SGCZ: variants seen among roughly 807,000 people sequenced by gnomAD.
The protein encoded by SGCZ is zeta-sarcoglycan.
SGCZ carries 40 observed loss-of-function variants against 41.3 expected under a neutral mutation model. The ratio of observed to expected loss-of-function variants is 0.97; its 90% CI spans 0.75 to 1.26. The LOEUF is 1.26. Among genes scored for constraint, SGCZ ranks in the 50% most tolerant of loss-of-function variants. The pLI, the probability that SGCZ is intolerant of heterozygous loss-of-function variation, is 0.00. For synonymous variants in SGCZ, 206 were observed against 137.5 expected (o/e 1.50, Z -3.49); for missense variants, 552 against 369.8 (o/e 1.49, Z -4.04).
chr8:14,364,065 T>C (rs138140324), intron 2 of SGCZ, among the ~76,000 whole-genome samples: 6 of 152,282 alleles, frequency 3.9e-5, no homozygotes, highest in Admixed American at 1.3e-4. Context: ...CTCTACTCAA[T>C]AGATACTCTA....
chr8:14,612,852 A>AT (rs748058338), intron 1 of SGCZ, among the ~76,000 whole-genome samples: 2 of 152,122 alleles, frequency 1.3e-5, no homozygotes, highest in Non-Finnish European at 2.9e-5. Context: ...CACCCAGCTA[A>AT]TTTTTTGTAT....
chr8:14,164,602 C>T lies in SGCZ; in HGVS notation c.525G>A (p.Gly175=), dbSNP rs1354592281. 4 of 1,613,396 alleles carry T rather than the reference C, an allele frequency of 2.5e-6. No individual in the cohort carries two copies. Among genetic ancestry groups the T allele is most frequent in the Non-Finnish European group, 1.7e-6 (2 of 1,179,614 alleles). ...FSADEDEITI[G]AEKLKVTGTE... ...TACCTGTAACTTTCAGCTTTTCAGCCCCAATGGTAATCTCATCTTCATCTG... is the reference window on the plus strand; with the variant it reads ...TACCTGTAACTTTCAGCTTTTCAGCTCCAATGGTAATCTCATCTTCATCTG... Residue 175 remains glycine (G), a synonymous_variant, in exon 5 of 8, where the codon GGG becomes GGA. Coordinates refer to ENST00000382080, the MANE Select transcript of SGCZ (RefSeq NM_139167.4).
chr8:14,933,482 A>C (rs577192688), intron 1 of SGCZ, among the ~76,000 whole-genome samples: 1 of 131,644 alleles, frequency 7.6e-6, no homozygotes, highest in African/African-American at 3.0e-5. Context: ...TCCAGGCTGG[A>C]GTGCAGTCGC....
intron 1 of SGCZ, among the ~76,000 whole-genome samples, chr8:14,945,804 C>A (rs1186394960): frequency 6.6e-6 from 1 of 150,982 alleles, no homozygotes; most frequent in African/African-American, 2.4e-5. Flanking sequence ...AGCCTTTGGA[C>A]TCAGGAACTA....
intron 3 of SGCZ, among the ~76,000 whole-genome samples, chr8:14,296,075 C>T (rs1191009518): frequency 6.6e-6 from 1 of 151,990 alleles, no homozygotes; most frequent in Non-Finnish European, 1.5e-5. Context: ...GAATTGAGAC[C>T]ACAGAAAAGC....
chr8:15,031,454 T>G (rs139737570), intron 1 of SGCZ, among the ~76,000 whole-genome samples: 1 of 152,190 alleles, frequency 6.6e-6, no homozygotes, highest in African/African-American at 2.4e-5. Flanking sequence ...ACAAAATCCA[T>G]ACTATCAATG....
At chr8:14,745,669 A>G (rs1189256626) in intron 1 of SGCZ, among the ~76,000 whole-genome samples, 1 of 152,058 alleles carries the variant, frequency 6.6e-6, no homozygotes, top group African/African-American at 2.4e-5. Flanking sequence ...ACACATACAT[A>G]TACGTATCTA....
intron 4 of SGCZ, among the ~76,000 whole-genome samples, chr8:14,185,330 G>A (rs937932376): frequency 7.9e-5 from 12 of 152,048 alleles, no homozygotes; most frequent in Non-Finnish European, 4.4e-5. Context: ...TTGAACCAGG[G>A]AGGCGTAGGT....
chr8:14,796,874 G>A (rs1024638734), intron 1 of SGCZ, among the ~76,000 whole-genome samples: 1 of 152,110 alleles, frequency 6.6e-6, no homozygotes, highest in Non-Finnish European at 1.5e-5. Context: ...AAGATCTGAT[G>A]GTTTTATAAG....
At position 14,181,457 on chromosome 8, in the gene SGCZ, C is replaced by A. The variant is rs1199555538; in HGVS notation, c.425-16755G>T. 3.3e-5 allele frequency among the ~76,000 whole-genome samples: 5 copies of A among 152,164 alleles called. No homozygotes were observed. In the East Asian group the frequency reaches 9.7e-4, roughly 29 times the overall value. ...ATCCACCCAGAGGTAGGTGGGCATCCCCCATCCCCAAATCAACAGAGAACC... is the reference window on the plus strand; with the variant it reads ...ATCCACCCAGAGGTAGGTGGGCATCACCCATCCCCAAATCAACAGAGAACC... On this transcript the variant is annotated intron_variant, in intron 4 of 7. Coordinates refer to ENST00000382080, the MANE Select transcript of SGCZ (RefSeq NM_139167.4).
Position 15,236,593 on chromosome 8 carries a change from G to T in SGCZ, c.39+992C>A, listed in dbSNP as rs763379383. Among the ~76,000 whole-genome samples the T allele has an allele frequency of 3.9e-5, 6 of 152,214 alleles. No individual in the cohort carries two copies. In the South Asian group the frequency reaches 1.2e-3, roughly 32 times the overall value. On this transcript the variant is annotated intron_variant, in intron 1 of 7. Transcript: ENST00000382080. ...GTGTCGCCCCCTTTCCCGCTTTTTC[G>T]TTTACGGTGAGCGGGACATTTAAAG... is the stretch of plus-strand genomic sequence containing the variant.
At chr8:14,316,739 C>T (rs1801729109) in intron 3 of SGCZ, among the ~76,000 whole-genome samples, 2 of 151,720 alleles carry the variant, frequency 1.3e-5, no homozygotes, top group East Asian at 1.9e-4. Context: ...CCCAACGATT[C>T]ATTCCACGGA....
chr8:14,246,749 T>C (rs1199332091), intron 3 of SGCZ, among the ~76,000 whole-genome samples: 1 of 151,158 alleles, frequency 6.6e-6, no homozygotes, highest in Non-Finnish European at 1.5e-5. Context: ...CTACTAAAAA[T>C]ACAATAAGAA....
At chr8:15,071,057 A>G (rs1006749653) in intron 1 of SGCZ, among the ~76,000 whole-genome samples, 6 of 152,272 alleles carry the variant, frequency 3.9e-5, no homozygotes, top group Non-Finnish European at 7.4e-5. Context: ...CTTCTCATGA[A>G]TGCTGTTTTA....
At chr8:14,954,231 T>C (rs1347561099) in intron 1 of SGCZ, among the ~76,000 whole-genome samples, 2 of 152,184 alleles carry the variant, frequency 1.3e-5, no homozygotes, top group Non-Finnish European at 2.9e-5. Flanking sequence ...CTTCCACTAT[T>C]TGCAAGGTAC....
In SGCZ at chr8:14,112,002, A is replaced by G. The variant is rs1023925983; in HGVS notation, c.548-3767T>C. ...ATCTATACTATAAATGTTATATCCTACGCTACTCATTATTCACCGATTGAC... is the reference window on the plus strand; with the variant it reads ...ATCTATACTATAAATGTTATATCCTGCGCTACTCATTATTCACCGATTGAC... On this transcript the variant is annotated intron_variant, in intron 5 of 7. Transcript: ENST00000382080. 1.3e-4 allele frequency among the ~76,000 whole-genome samples: 20 copies of G among 152,284 alleles called. No individual in the cohort carries two copies. The East Asian group carries it at 1.5e-3, about 12-fold the overall frequency.
In SGCZ at chr8:14,086,087, G is replaced by A. The variant is rs1284923508; in HGVS notation, c.*4356C>T. ...GTGTTCATTACTGTAATATACACCA[G>A]TACATAGAGCAAATAATTTCTCCAT... is the stretch of plus-strand genomic sequence containing the variant. On this transcript the variant is annotated 3_prime_UTR_variant, in exon 8 of 8. Transcript: ENST00000382080. 2.0e-5 allele frequency among the ~76,000 whole-genome samples: 3 copies of A among 151,620 alleles called. No homozygotes were observed. Among genetic ancestry groups the A allele is most frequent in the African/African-American group, 7.3e-5 (3 of 41,364 alleles).
At chr8:14,183,349 A>G (rs567131324) in intron 4 of SGCZ, among the ~76,000 whole-genome samples, 6 of 152,266 alleles carry the variant, frequency 3.9e-5, no homozygotes, top group Non-Finnish European at 5.9e-5. Context: ...ATAGAAAATC[A>G]TAACTCTTCT....
intron 1 of SGCZ, among the ~76,000 whole-genome samples, chr8:14,963,694 G>C (rs1801040307): frequency 6.6e-6 from 1 of 152,108 alleles, no homozygotes; most frequent in African/African-American, 2.4e-5. Context: ...TGGAATTCAA[G>C]CTAGCTCTAG....
Sources: allele counts gnomAD v4.1 joint callset (sites outside exome capture counted in the v4.1 genomes callset), GRCh38; gene constraint gnomAD v4.1.1; transcripts MANE v1.5; gene names NCBI Gene and HGNC (gene_info 2026-07-23, HGNC 2026-07-21).